Variants in AAK1 observed in about 807,000 individuals in gnomAD.
The protein encoded by AAK1 is AP2-associated protein kinase 1.
Under a neutral mutation model 116.0 loss-of-function variants are expected in AAK1, and 37 were observed. That is an observed-to-expected ratio of 0.32 (90% CI 0.25 to 0.42). The LOEUF (loss-of-function observed/expected upper bound fraction) is 0.42. Among genes scored for constraint, AAK1 ranks in the 10% least tolerant of loss-of-function variants. The probability of loss-of-function intolerance (pLI) is 1.00; values close to 1 mark genes in which losing one functional copy is unlikely to be tolerated. For missense variants in AAK1, 919 were observed against 1,170.6 expected, an observed-to-expected ratio of 0.79 and a Z score of 3.14; for synonymous variants, 458 against 439.9, an observed-to-expected ratio of 1.04 and a Z score of -0.51.
chr2:69,506,825 G>A (rs1676202313), intron 15 of AAK1, among the ~76,000 whole-genome samples: 1 of 151,566 alleles, frequency 6.6e-6, no homozygotes, highest in Non-Finnish European at 1.5e-5. Context: ...AGAATTATTA[G>A]AATTATGCAT....
chr2:69,509,203 A>G, intron 14 of AAK1, 28 bp downstream of exon 14: 1 of 1,605,350 alleles, frequency 6.2e-7, no homozygotes. Flanking sequence ...CACAGAGGTA[A>G]GAACAACAAA....
Position 69,465,512 on chromosome 2 carries a change from T to A in AAK1, c.*10357A>T, listed in dbSNP as rs2104859006. 1 of 1,290,886 alleles carries A rather than the reference T, an allele frequency of 7.7e-7. No individual in the cohort carries two copies. The highest frequency in any genetic ancestry group is 5.6e-5 in the East Asian group (1 of 18,008). 80.0% of individuals were successfully genotyped at this position (1,290,886 alleles called of 1,614,324 possible). A position where few individuals can be genotyped will look rare whatever the true frequency, so the allele number is the denominator to read the frequency against. Reference sequence around the variant, plus strand: ...GCTCCGTAGTCCTGGAGGAAAGGGATGTGATAGAAACAGACCCAGCTATCG... The same window carrying A: ...GCTCCGTAGTCCTGGAGGAAAGGGAAGTGATAGAAACAGACCCAGCTATCG... On this transcript the variant is annotated 3_prime_UTR_variant, in exon 22 of 22. Coordinates refer to ENST00000409085, the MANE Select transcript of AAK1 (RefSeq NM_014911.5).
intron 16 of AAK1, 57 bp from the exon 17 acceptor site, chr2:69,496,137 T>C (rs1675731570): frequency 1.6e-6 from 2 of 1,235,624 alleles, no homozygotes; most frequent in Admixed American, 2.1e-5. Flanking sequence ...AGAAAAGCAA[T>C]AACACCAAGT....
chr2:69,609,845 C>T (rs971887060), intron 2 of AAK1, among the ~76,000 whole-genome samples: 11 of 151,714 alleles, frequency 7.3e-5, no homozygotes, highest in African/African-American at 2.7e-4. Context: ...GTCAGGAGAT[C>T]GAGACCATCC....
chr2:69,565,825 G>A (rs1377618748), intron 2 of AAK1, among the ~76,000 whole-genome samples: 3 of 152,132 alleles, frequency 2.0e-5, no homozygotes, highest in African/African-American at 4.8e-5. Flanking sequence ...TAGAACCTGG[G>A]TGCACTATTC....
chr2:69,592,630 G>A (rs1673082170), intron 2 of AAK1, among the ~76,000 whole-genome samples: 1 of 151,826 alleles, frequency 6.6e-6, no homozygotes, highest in South Asian at 2.1e-4. Context: ...CTTCTCTGTG[G>A]CAAATAAAAC....
At chr2:69,616,039 C>T (rs1034503889) in intron 2 of AAK1, among the ~76,000 whole-genome samples, 2 of 152,212 alleles carry the variant, frequency 1.3e-5, no homozygotes, top group African/African-American at 4.8e-5. Context: ...AGTTCAAGAC[C>T]AGCCTGGGCA....
Position 69,618,487 on chromosome 2 carries a change from G to A in AAK1, c.163+24391C>T, listed in dbSNP as rs1437880063. ...GCCCTCTGATGCCATATTTTCCTAC[G>A]CCTCAGTAGCTTAGCGCAGGAGGTC... On this transcript the variant is annotated intron_variant, in intron 2 of 21. Coordinates refer to ENST00000409085, the MANE Select transcript of AAK1 (RefSeq NM_014911.5). Among the ~76,000 whole-genome samples, 5 of 152,016 alleles carry A rather than the reference G, an allele frequency of 3.3e-5. No homozygotes were observed. In the South Asian group the frequency reaches 6.2e-4, roughly 19 times the overall value.
chr2:69,616,467 A>AT (rs145079214), intron 2 of AAK1, among the ~76,000 whole-genome samples: 1 of 152,080 alleles, frequency 6.6e-6, no homozygotes, highest in South Asian at 2.1e-4. Context: ...ATAAAAAACT[A>AT]TTTTTTTTAT....
intron 2 of AAK1, among the ~76,000 whole-genome samples, chr2:69,566,359 C>A (rs1221150026): frequency 6.6e-6 from 1 of 152,102 alleles, no homozygotes; most frequent in African/African-American, 2.4e-5. Context: ...AATCTCTCCT[C>A]ACTTGCCTCA....
intron 2 of AAK1, among the ~76,000 whole-genome samples, chr2:69,617,635 A>G (rs1674397025): frequency 6.6e-6 from 1 of 152,208 alleles, no homozygotes; most frequent in Non-Finnish European, 1.5e-5. Context: ...GATGCAGCAA[A>G]TCCTAAAGAG....
intron 17 of AAK1, among the ~76,000 whole-genome samples, chr2:69,495,362 T>C (rs930081160): frequency 3.9e-5 from 6 of 152,146 alleles, no homozygotes; most frequent in Non-Finnish European, 5.9e-5. Flanking sequence ...TGAGATATGG[T>C]GGACTACAAG....
At chr2:69,612,785 A>G (rs1251149420) in intron 2 of AAK1, among the ~76,000 whole-genome samples, 1 of 152,210 alleles carries the variant, frequency 6.6e-6, no homozygotes, top group Non-Finnish European at 1.5e-5. Flanking sequence ...AGTTTACAGA[A>G]AGCAAGTCAA....
chr2:69,612,961 A>T (rs1232894066), intron 2 of AAK1, among the ~76,000 whole-genome samples: 1 of 152,240 alleles, frequency 6.6e-6, no homozygotes, highest in Non-Finnish European at 1.5e-5. Context: ...GCAGCATTTT[A>T]ACAAAGCAGT....
intron 10 of AAK1, among the ~76,000 whole-genome samples, chr2:69,522,278 A>G (rs1016208305): frequency 6.6e-6 from 1 of 152,222 alleles, no homozygotes; most frequent in Non-Finnish European, 1.5e-5. Flanking sequence ...AACAGCCTCC[A>G]TGAATGTAAA....
At chr2:69,545,282 A>G (rs888590908) in intron 3 of AAK1, among the ~76,000 whole-genome samples, 2 of 152,230 alleles carry the variant, frequency 1.3e-5, no homozygotes, top group South Asian at 2.1e-4. Context: ...ACATTTTGGT[A>G]TAGTCCTTTA....
chr2:69,474,482 C>A lies in AAK1; in HGVS notation c.*1387G>T. On this transcript the variant is annotated 3_prime_UTR_variant, in exon 22 of 22. Coordinates refer to ENST00000409085, the MANE Select transcript of AAK1 (RefSeq NM_014911.5). ...GCATGTTGTCATGTTAGTGCAGGGG[C>A]CTTTATTTATTTTATGAACAATATC... 1.0e-6 allele frequency: 1 copy of A among 984,822 alleles called. No homozygotes were observed. The highest frequency in any genetic ancestry group is 1.7e-5 in the African/African-American group (1 of 57,154). The allele number at this position is 984,822 out of a possible 1,614,324, so 61.0% of individuals were successfully genotyped here. A position where few individuals can be genotyped will look rare whatever the true frequency, so the allele number is the denominator to read the frequency against.
chr2:69,487,879 T>A (rs928365107), intron 17 of AAK1, among the ~76,000 whole-genome samples: 1 of 147,026 alleles, frequency 6.8e-6, no homozygotes, highest in African/African-American at 2.5e-5. Context: ...AACCTCCGCC[T>A]CCTAGGTTCA....
chr2:69,546,118 C>A (rs1259075464), intron 3 of AAK1, among the ~76,000 whole-genome samples: 2 of 151,308 alleles, frequency 1.3e-5, no homozygotes, highest in African/African-American at 4.9e-5. Context: ...TTCCCCCTGG[C>A]AAGCAGGAAG....
Sources: allele counts gnomAD v4.1 joint callset (sites outside exome capture counted in the v4.1 genomes callset), GRCh38; gene constraint gnomAD v4.1.1; transcripts MANE v1.5; gene names NCBI Gene and HGNC (gene_info 2026-07-23, HGNC 2026-07-21).